The following EXD1 variants were observed in gnomAD, a reference collection of about 807,000 sequenced individuals.
The protein encoded by EXD1 is exonuclease 3'-5' domain containing 1.
A neutral mutation model predicts 49.1 loss-of-function variants in EXD1; 63 were observed. The observed-to-expected ratio is 1.28, with a 90% CI of 1.05 to 1.58. The LOEUF is 1.58. Ranked by LOEUF, EXD1 falls within the 40% of genes most tolerant of loss-of-function variation. The probability of loss-of-function intolerance (pLI) is 0.00; values close to 1 mark genes in which losing one functional copy is unlikely to be tolerated. For missense variants in EXD1, 748 were observed against 666.0 expected, an observed-to-expected ratio of 1.12 and a Z score of -1.36; for synonymous variants, 234 against 239.2, an observed-to-expected ratio of 0.98 and a Z score of 0.20.
chr15:41,191,186 A>G (rs895605961), intron 10 of EXD1, among the ~76,000 whole-genome samples: 2 of 152,146 alleles, frequency 1.3e-5, no homozygotes, highest in Non-Finnish European at 2.9e-5. Context: ...TCAGCCTCCC[A>G]AAGTGTTGGG....
intron 9 of EXD1, 48 bp downstream of exon 9, chr15:41,195,727 A>G (rs781666613): frequency 6.8e-7 from 1 of 1,470,812 alleles, no homozygotes; most frequent in South Asian, 1.4e-5. Context: ...CCTTTTATCT[A>G]CAGGAGCTGT....
chr15:41,186,470 CA>C lies in EXD1; in HGVS notation c.1057-1878del, dbSNP rs58793050. The stretch of plus-strand genomic sequence containing the variant: ...CTGGGTGATGAGCAAGACTCTGTCT[CA>C]AAAAAAAAAAAAAAAAAATCAGAAA... On this transcript the variant is annotated intron_variant, in intron 11 of 11. Coordinates refer to ENST00000458580, the MANE Select transcript of EXD1 (RefSeq NM_001286441.2). Among the ~76,000 whole-genome samples, 74 of 68,280 alleles carry C rather than the reference CA, an allele frequency of 1.1e-3. 1 individual carries two copies. Among genetic ancestry groups the C allele is most frequent in the Admixed American group, 2.2e-3 (10 of 4,456 alleles). 44.8% of individuals were successfully genotyped at this position (68,280 alleles called of 152,430 possible).
chr15:41,190,077 T>G lies in EXD1; in HGVS notation c.916A>C (p.Ile306Leu). The change falls in exon 11 of 12, where the codon ATT becomes CTT. Residue 306 changes from isoleucine (I) to leucine (L), a missense_variant. Ile to Leu is a conservative substitution (Grantham distance 5, BLOSUM62 2). Coordinates refer to ENST00000458580, the MANE Select transcript of EXD1 (RefSeq NM_001286441.2). ...AGGTAGGTAGCTTCCAGGGCCAAAA[T>G]TTTCAGTAAAGAGGGTGAAACAGGT... ...IRPVSPSLLK[I>L]LALEATYLLP... 6.2e-7 allele frequency: 1 copy of G among 1,614,116 alleles called. No individual in the cohort carries two copies. The highest frequency in any genetic ancestry group is 8.5e-7 in the Non-Finnish European group (1 of 1,180,028).
intron 9 of EXD1, among the ~76,000 whole-genome samples, chr15:41,195,002 A>C (rs535336471): frequency 4.6e-5 from 7 of 152,200 alleles, no homozygotes; most frequent in Non-Finnish European, 1.0e-4. Context: ...TGTGTAATCA[A>C]GATTTCCCTT....
intron 11 of EXD1, among the ~76,000 whole-genome samples, chr15:41,187,709 T>G (rs1334222308): frequency 6.6e-6 from 1 of 151,586 alleles, no homozygotes; most frequent in African/African-American, 2.4e-5. Context: ...ATATATAGGG[T>G]TCATATAAAA....
chr15:41,225,181 T>C (rs1032884334), intron 2 of EXD1, among the ~76,000 whole-genome samples: 1 of 152,180 alleles, frequency 6.6e-6, no homozygotes, highest in African/African-American at 2.4e-5. Context: ...TGCCTACCTC[T>C]TTACTTTTTG....
chr15:41,219,106 AC>A, intron 3 of EXD1, among the ~76,000 whole-genome samples: 1 of 152,142 alleles, frequency 6.6e-6, no homozygotes, highest in African/African-American at 2.4e-5. Flanking sequence ...GAAAGCAAGA[AC>A]ATTTCTTGCT....
intron 9 of EXD1, among the ~76,000 whole-genome samples, chr15:41,195,350 T>G (rs1054830359): frequency 6.6e-6 from 1 of 152,172 alleles, no homozygotes; most frequent in Admixed American, 6.6e-5. Context: ...GGGGGGCATA[T>G]GCAGGACGAC....
At chr15:41,217,194 C>G (rs1277132617) in intron 3 of EXD1, 40 bp from the exon 4 acceptor site, 3 of 1,569,084 alleles carry the variant, frequency 1.9e-6, no homozygotes, top group Middle Eastern at 1.7e-4. Context: ...AGTTTCCAAT[C>G]AGAAATCAAT....
intron 9 of EXD1, among the ~76,000 whole-genome samples, chr15:41,191,808 G>A (rs1407856412): frequency 8.6e-5 from 13 of 150,786 alleles, no homozygotes; most frequent in Non-Finnish European, 1.8e-4. Context: ...GTGGAGTCTC[G>A]CTCTGTCGCT....
At chr15:41,229,406 T>C (rs769748496) in intron 1 of EXD1, among the ~76,000 whole-genome samples, 1 of 151,624 alleles carries the variant, frequency 6.6e-6, no homozygotes, top group African/African-American at 2.4e-5. Flanking sequence ...TGAACCCGCC[T>C]GGAGGTTGCA....
intron 7 of EXD1, among the ~76,000 whole-genome samples, chr15:41,206,107 C>T (rs1257289057): frequency 6.6e-6 from 1 of 151,764 alleles, no homozygotes; most frequent in Non-Finnish European, 1.5e-5. Flanking sequence ...TTATTTATCA[C>T]AATAAAATTG....
intron 6 of EXD1, among the ~76,000 whole-genome samples, chr15:41,209,894 A>AAG (rs923160849): frequency 1.3e-5 from 2 of 152,136 alleles, no homozygotes; most frequent in African/African-American, 2.4e-5. Flanking sequence ...GCTACAGAGA[A>AAG]AGAATCATAA....
intron 2 of EXD1, among the ~76,000 whole-genome samples, 154 bp from the exon 3 acceptor site, chr15:41,220,052 T>C (rs764116399): frequency 7.1e-6 from 1 of 141,022 alleles, no homozygotes; most frequent in Non-Finnish European, 1.5e-5. Context: ...GAATGAAGAG[T>C]CAATAATAAA....
intron 2 of EXD1, among the ~76,000 whole-genome samples, chr15:41,222,231 ATGG>A (rs1449677596): frequency 8.5e-5 from 13 of 152,356 alleles, no homozygotes; most frequent in African/African-American, 3.1e-4. Context: ...CCTGGTCAAC[ATGG>A]TGAAACCCCA....
At position 41,184,507 on chromosome 15, in the gene EXD1, C is replaced by T; in HGVS notation, c.1143G>A (p.Arg381=). The part of the protein sequence containing the change: ...QRREKAAREY[R]VNAQGLLIRT... ...TTATCAGGAGTCCCTGTGCATTCAC[C>T]CTATATTCTCTTGCAGCTTTCTCCC... Residue 381 remains arginine (R), a synonymous_variant, in exon 12 of 12, where the codon AGG becomes AGA. Coordinates refer to ENST00000458580, the MANE Select transcript of EXD1 (RefSeq NM_001286441.2). 3 of 1,613,818 alleles carry T rather than the reference C, an allele frequency of 1.9e-6. No individual in the cohort carries two copies. Among genetic ancestry groups the T allele is most frequent in the East Asian group, 2.2e-5 (1 of 44,884 alleles).
At chr15:41,211,632 G>A (rs1328066621) in intron 6 of EXD1, among the ~76,000 whole-genome samples, 2 of 151,928 alleles carry the variant, frequency 1.3e-5, no homozygotes, top group African/African-American at 4.8e-5. Context: ...AGACCAGCCA[G>A]GGCAACATAG....
At chr15:41,196,692 A>G (rs2140838043) in intron 7 of EXD1, among the ~76,000 whole-genome samples, 1 of 151,444 alleles carries the variant, frequency 6.6e-6, no homozygotes, top group South Asian at 2.1e-4. Context: ...CGGCCTCCCA[A>G]AGTGCTGGGA....
At chr15:41,223,932 C>T (rs66993182) in intron 2 of EXD1, among the ~76,000 whole-genome samples, 19,620 of 152,046 alleles carry the variant, frequency 0.13, 1,474 homozygotes, top group South Asian at 0.27. Context: ...TATGCTGCCT[C>T]GGCTGGCCTT....
Sources: allele counts gnomAD v4.1 joint callset (sites outside exome capture counted in the v4.1 genomes callset), GRCh38; gene constraint gnomAD v4.1.1; transcripts MANE v1.5; gene names NCBI Gene and HGNC (gene_info 2026-07-23, HGNC 2026-07-21).